The following ACACA variants were observed in gnomAD, a reference collection of about 807,000 sequenced individuals.
ACACA encodes the protein acetyl-CoA carboxylase 1.
Under a neutral mutation model 296.1 loss-of-function variants are expected in ACACA, and 103 were observed. The observed-to-expected ratio is 0.35, with a 90% confidence interval of 0.30 to 0.41. The LOEUF is 0.41. Among genes scored for constraint, ACACA ranks in the 10% least tolerant of loss-of-function variants. The pLI, the probability that ACACA is intolerant of heterozygous loss-of-function variation, is 1.00. For missense variants in ACACA, 1,554 were observed against 2,989.7 expected (o/e 0.52, Z 11.20); for synonymous variants, 953 against 1,038.6 (o/e 0.92, Z 1.58).
Position 37,268,713 on chromosome 17 carries a change from ATATC to A in ACACA, c.1119+2034_1119+2037del, listed in dbSNP as rs1187101546. ...CGTAAAATGTAATATATCTATATCTATATCTATCTATCTATCTATCTATCTATCT... is the reference window on the plus strand; with the variant it reads ...CGTAAAATGTAATATATCTATATCTATATCTATCTATCTATCTATCTATCT... On this transcript the variant is annotated intron_variant, in intron 10 of 55. Transcript: ENST00000616317. Among the ~76,000 whole-genome samples the A allele has an allele frequency of 8.9e-3, 1,205 of 135,600 alleles. 12 individuals carry two copies. Among genetic ancestry groups the A allele is most frequent in the Middle Eastern group, 0.048 (12 of 252 alleles). The allele number at this position is 135,600 out of a possible 152,430, so 89.0% of individuals were successfully genotyped here. A position where few individuals can be genotyped will look rare whatever the true frequency, so the allele number is the denominator to read the frequency against.
In ACACA at chr17:37,331,501, C is replaced by T. The variant is rs374357139; in HGVS notation, c.86-1076G>A. The stretch of plus-strand genomic sequence containing the variant: ...TCAGCTCACTGCAACCTCCGCCTCC[C>T]GGGTTCAAGCAATTCTCTGCCTCGG... On this transcript the variant is annotated intron_variant, in intron 2 of 55. Coordinates refer to ENST00000616317, the MANE Select transcript of ACACA (RefSeq NM_198834.3). 1.5e-4 allele frequency among the ~76,000 whole-genome samples: 23 copies of T among 152,026 alleles called. 1 individual carries two copies. In the East Asian group the frequency reaches 3.7e-3, roughly 24 times the overall value.
At chr17:37,089,774 G>C (rs937337590) in intron 54 of ACACA, among the ~76,000 whole-genome samples, 1 of 152,194 alleles carries the variant, frequency 6.6e-6, no homozygotes. Context: ...ATTTAGCTGA[G>C]TATTTCCTAG....
At chr17:37,318,780 C>T (rs2047210385) in intron 3 of ACACA, among the ~76,000 whole-genome samples, 3 of 152,046 alleles carry the variant, frequency 2.0e-5, no homozygotes. Context: ...ATAGCTATTA[C>T]TTAACTCTAT....
chr17:37,178,314 C>CA (rs562403492), intron 41 of ACACA, among the ~76,000 whole-genome samples: 280 of 152,128 alleles, frequency 1.8e-3, no homozygotes, highest in Non-Finnish European at 3.2e-3. Flanking sequence ...GGATAATTAT[C>CA]AAAAAATGGG....
At chr17:37,256,837 C>T (rs927326491) in intron 14 of ACACA, among the ~76,000 whole-genome samples, 2 of 151,946 alleles carry the variant, frequency 1.3e-5, no homozygotes, top group Non-Finnish European at 2.9e-5. Context: ...TAAACAAATG[C>T]TATTTATTAG....
chr17:37,302,568 C>T (rs1448776230), intron 3 of ACACA, among the ~76,000 whole-genome samples: 1 of 149,992 alleles, frequency 6.7e-6, no homozygotes, highest in Non-Finnish European at 1.5e-5. Context: ...TTTGGGATTA[C>T]AGGCGTGAGC....
intron 3 of ACACA, among the ~76,000 whole-genome samples, chr17:37,296,337 GCTCT>G (rs1404966476): frequency 1.6e-5 from 2 of 126,238 alleles, no homozygotes; most frequent in Admixed American, 1.0e-4. Flanking sequence ...ACAGAGTCTC[GCTCT>G]CTCTCCCAGT....
At chr17:37,182,875 A>G (rs2077378177) in intron 39 of ACACA, among the ~76,000 whole-genome samples, 1 of 152,164 alleles carries the variant, frequency 6.6e-6, no homozygotes. Flanking sequence ...TAATTTGTCA[A>G]TCAGGTCCTG....
chr17:37,151,542 G>T, intron 43 of ACACA, 121 bp from the exon 44 acceptor site: 1 of 1,177,854 alleles, frequency 8.5e-7, no homozygotes, highest in Non-Finnish European at 1.2e-6. Flanking sequence ...TAATGCCAGG[G>T]CTTTATGTGC....
chr17:37,337,924 C>A (rs1568016843), intron 2 of ACACA, among the ~76,000 whole-genome samples: 1 of 151,852 alleles, frequency 6.6e-6, no homozygotes, highest in East Asian at 1.9e-4. Context: ...GGTGAAACCC[C>A]ATCTCTAATA....
At position 37,088,987 on chromosome 17, in the gene ACACA, C is replaced by T. The variant is rs1431541423; in HGVS notation, c.6979G>A (p.Glu2327Lys). The change falls in exon 55 of 56, where the codon GAA becomes AAA. Residue 2327 changes from glutamate (E) to lysine (K), a missense_variant. Physicochemically the swap from Glu to Lys is moderately conservative, Grantham distance 56 (BLOSUM62 1). Around this residue, in one of 16 missense-constraint regions of ACACA, gnomAD observed 553 missense variants for 1,043.6 expected, o/e 0.53. Coordinates refer to ENST00000616317, the MANE Select transcript of ACACA (RefSeq NM_198834.3). ...EEDGVHSVIEENIKCISRDYV... is the reference protein window; with the variant it reads ...EEDGVHSVIEKNIKCISRDYV... ...TCTCTGCTGATGCATTTGATGTTTT[C>T]CTCTATTACCGAGTGAACACCATCC... is the stretch of plus-strand genomic sequence containing the variant. The T allele has an allele frequency of 2.5e-6, 4 of 1,614,190 alleles. No homozygotes were observed. The highest frequency in any genetic ancestry group is 3.4e-6 in the Non-Finnish European group (4 of 1,180,026).
chr17:37,194,986 G>C (rs1356431338), intron 35 of ACACA, among the ~76,000 whole-genome samples: 4 of 151,002 alleles, frequency 2.6e-5, no homozygotes, highest in Admixed American at 6.6e-5. Flanking sequence ...TCAAGGTTAA[G>C]TAAGATGCAT....
chr17:37,320,292 A>C (rs930699074), intron 3 of ACACA, among the ~76,000 whole-genome samples: 4 of 152,048 alleles, frequency 2.6e-5, no homozygotes, highest in Non-Finnish European at 5.9e-5. Context: ...TGGGTAGATC[A>C]CCTGAGGTCA....
chr17:37,358,392 G>A (rs997655922), intron 1 of ACACA, among the ~76,000 whole-genome samples: 1 of 152,170 alleles, frequency 6.6e-6, no homozygotes, highest in Admixed American at 6.5e-5. Context: ...GTAACAAAAG[G>A]CATGTACATT....
At chr17:37,208,354 G>T (rs1313997514) in intron 30 of ACACA, among the ~76,000 whole-genome samples, 2 of 152,096 alleles carry the variant, frequency 1.3e-5, no homozygotes, top group East Asian at 1.9e-4. Flanking sequence ...AAACATTAGG[G>T]TACAGAAACA....
Position 37,085,678 on chromosome 17 carries a change from C to T in ACACA, c.*1638G>A, listed in dbSNP as rs935274931. On this transcript the variant is annotated 3_prime_UTR_variant, in exon 56 of 56. Transcript: ENST00000616317. ...GGCTCTGACTCCTGGGGGCTGTCCG[C>T]TCCATACCCAGCCATACAGTGCCCA... 5.0e-5 allele frequency: 20 copies of T among 399,052 alleles called. No individual in the cohort carries two copies. The highest frequency in any genetic ancestry group is 4.6e-4 in the East Asian group (13 of 28,096). The allele number at this position is 399,052 out of a possible 1,614,324, so 24.7% of individuals were successfully genotyped here.
rs985424036 is a variant in ACACA, at chr17:37,131,995, G to A, written c.5680-1777C>T. ...TCTTTAATCTCAGCCCAGGCACTGCGGCTCTTTTCTCATTCTCCTGCTGTC... is the reference window on the plus strand; with the variant it reads ...TCTTTAATCTCAGCCCAGGCACTGCAGCTCTTTTCTCATTCTCCTGCTGTC... On this transcript the variant is annotated intron_variant, in intron 45 of 55. Transcript: ENST00000616317. Among the ~76,000 whole-genome samples, 10 of 152,054 alleles carry A rather than the reference G, an allele frequency of 6.6e-5. No individual in the cohort carries two copies. The East Asian group carries it at 9.6e-4, about 15-fold the overall frequency.
chr17:37,122,154 C>T lies in ACACA; in HGVS notation c.6138+377G>A, dbSNP rs114068784. Reference sequence around the variant, plus strand: ...TCAAAAAAAAGGGCTGTGGTGTTCACGCTTGGCATTAGGGCAGACTTCACC... The same window carrying T: ...TCAAAAAAAAGGGCTGTGGTGTTCATGCTTGGCATTAGGGCAGACTTCACC... On this transcript the variant is annotated intron_variant, in intron 49 of 55. Coordinates refer to ENST00000616317, the MANE Select transcript of ACACA (RefSeq NM_198834.3). Among the ~76,000 whole-genome samples the T allele has an allele frequency of 8.2e-3, 1,247 of 152,144 alleles. 8 individuals carry two copies. The highest frequency in any genetic ancestry group is 0.02 in the African/African-American group (822 of 41,488).
At chr17:37,109,149 C>T (rs566284575) in intron 52 of ACACA, among the ~76,000 whole-genome samples, 5 of 152,306 alleles carry the variant, frequency 3.3e-5, no homozygotes, top group Non-Finnish European at 5.9e-5. Context: ...GAACTGGGTT[C>T]ATAATATGTC....
Sources: allele counts gnomAD v4.1 joint callset (sites outside exome capture counted in the v4.1 genomes callset), GRCh38; gene constraint gnomAD v4.1.1; regional missense constraint gnomAD v4.1.1; transcripts MANE v1.5; gene names NCBI Gene and HGNC (gene_info 2026-07-23, HGNC 2026-07-21).